Variants in THAP6 observed in about 807,000 individuals in gnomAD.
THAP6 encodes the protein THAP domain containing 6.
A neutral mutation model predicts 20.0 loss-of-function variants in THAP6; 13 were observed. The observed-to-expected ratio is 0.65, with a 90% CI of 0.42 to 1.03. The LOEUF is 1.03. THAP6 is among the 50% of genes least tolerant of loss of function. The pLI is 0.00. For missense variants in THAP6, 262 were observed against 261.6 expected, an observed-to-expected ratio of 1.00 and a Z score of -0.01; for synonymous variants, 93 against 92.2, an observed-to-expected ratio of 1.01 and a Z score of -0.05.
chr4:75,530,232 A>G (rs1394184562), downstream of THAP6, among the ~76,000 whole-genome samples: 2 of 152,170 alleles, frequency 1.3e-5, no homozygotes, highest in Admixed American at 1.3e-4. Flanking sequence ...GCCCTCACTC[A>G]AAACTGTCAG....
Position 75,521,829 on chromosome 4 carries a change from T to G in THAP6, c.382T>G (p.Cys128Gly), listed in dbSNP as rs755148803. ...TCACCATCTTGTTGGTGCTTCCTCATGTATTGAAGAATTCCAATCCCAGTT... is the reference window on the plus strand; with the variant it reads ...TCACCATCTTGTTGGTGCTTCCTCAGGTATTGAAGAATTCCAATCCCAGTT... The part of the protein sequence containing the change: ...YNHHLVGASS[C>G]IEEFQSQFIF... The change falls in exon 4 of 5, where the codon TGT becomes GGT. Residue 128 changes from cysteine to glycine, a missense_variant. Transcript: ENST00000311638. 5 of 1,613,428 alleles carry G rather than the reference T, an allele frequency of 3.1e-6. No homozygotes were observed. Among genetic ancestry groups the G allele is most frequent in the Non-Finnish European group, 4.2e-6 (5 of 1,179,642 alleles).
chr4:75,515,311 G>A lies in THAP6; in HGVS notation c.-20-122G>A, dbSNP rs1725489740. 7.2e-6 allele frequency: 6 copies of A among 832,866 alleles called. No homozygotes were observed. The South Asian group carries it at 9.4e-5, about 13-fold the overall frequency. 51.6% of individuals were successfully genotyped at this position (832,866 alleles called of 1,614,324 possible). A position where few individuals can be genotyped will look rare whatever the true frequency, so the allele number is the denominator to read the frequency against. ...GATGTAAGCAAAGCTGCAGGTGTTA[G>A]AAGAAGATATTTGTCTTTAGCTTTC... On this transcript the variant is annotated intron_variant, in intron 1 of 4. Coordinates refer to ENST00000311638, the MANE Select transcript of THAP6 (RefSeq NM_144721.6).
chr4:75,529,057 A>G lies in THAP6; in HGVS notation c.*1843A>G. 1.1e-6 allele frequency: 1 copy of G among 934,880 alleles called. No individual in the cohort carries two copies. Among genetic ancestry groups the G allele is most frequent in the Non-Finnish European group, 1.3e-6 (1 of 783,990 alleles). 57.9% of individuals were successfully genotyped at this position (934,880 alleles called of 1,614,324 possible). On this transcript the variant is annotated 3_prime_UTR_variant, in exon 5 of 5. Transcript: ENST00000311638. ...AACAGAGCAAGACTCCATCTCAAAA[A>G]AACAAAACTACTTTCATTAATTACC...
intron 4 of THAP6, among the ~76,000 whole-genome samples, chr4:75,523,211 C>T (rs1460694983): frequency 6.6e-6 from 1 of 152,134 alleles, no homozygotes; most frequent in East Asian, 1.9e-4. Flanking sequence ...ATAATGCGTA[C>T]CTTTTCATAT....
exon 3 of THAP6, chr4:75,542,450 T>A (rs1490531250): frequency 1.4e-6 from 1 of 702,428 alleles, no homozygotes. Flanking sequence ...AGGCAAAAAA[T>A]TATTTCTCAG....
At chr4:75,517,852 C>T (rs1376194136) in intron 3 of THAP6, 1 of 152,200 alleles carries the variant, frequency 6.6e-6, no homozygotes, top group African/African-American at 2.4e-5. Flanking sequence ...CAGTATCTCT[C>T]TTGACTTTGT....
upstream of THAP6, chr4:75,514,388 C>G (rs972469620): frequency 4.5e-6 from 6 of 1,340,360 alleles, no homozygotes; most frequent in Non-Finnish European, 6.1e-6. Flanking sequence ...GCCCCAGCGG[C>G]CACTAGCGAC....
At chr4:75,535,892 A>C (rs1331742182) in intron 2 of THAP6, among the ~76,000 whole-genome samples, 1 of 152,168 alleles carries the variant, frequency 6.6e-6, no homozygotes, top group Non-Finnish European at 1.5e-5. Flanking sequence ...GGGTACCTAC[A>C]TCATAACTGA....
Position 75,515,371 on chromosome 4 carries a change from A to T in THAP6, c.-20-62A>T, listed in dbSNP as rs1429532413. On this transcript the variant is annotated intron_variant, in intron 1 of 4. Coordinates refer to ENST00000311638, the MANE Select transcript of THAP6 (RefSeq NM_144721.6). The stretch of plus-strand genomic sequence containing the variant: ...TTTGTGTTTCCTAAAACACCGGGAA[A>T]GGGAAAATATTCCCCTTCAGCTTTC... The T allele has an allele frequency of 2.7e-6, 4 of 1,470,902 alleles. No homozygotes were observed. In the African/African-American group the frequency reaches 5.6e-5, roughly 20 times the overall value. 91.1% of individuals were successfully genotyped at this position (1,470,902 alleles called of 1,614,324 possible). A position where few individuals can be genotyped will look rare whatever the true frequency, so the allele number is the denominator to read the frequency against.
chr4:75,520,366 G>A (rs947836683), intron 3 of THAP6, among the ~76,000 whole-genome samples: 3 of 152,184 alleles, frequency 2.0e-5, no homozygotes, highest in Non-Finnish European at 4.4e-5. Context: ...TACTGGTGAT[G>A]TGGATGTTCA....
At chr4:75,516,706 C>A in intron 2 of THAP6, 66 bp from the exon 3 acceptor site, 1 of 1,360,774 alleles carries the variant, frequency 7.3e-7, no homozygotes, top group Non-Finnish European at 1.0e-6. Context: ...TTGTATAAGG[C>A]AGCTTTAATT....
Position 75,515,518 on chromosome 4 carries a change from A to G in THAP6, c.66A>G (p.Gly22=), listed in dbSNP as rs143415230. Residue 22 remains glycine, a synonymous_variant, in exon 2 of 5, where the codon GGA becomes GGG. Coordinates refer to ENST00000311638, the MANE Select transcript of THAP6 (RefSeq NM_144721.6). ...GCTTGCCAAATTCGAAGTTAAAAGGACTGACATTTCACGTGTAAGATTTTG... is the reference window on the plus strand; with the variant it reads ...GCTTGCCAAATTCGAAGTTAAAAGGGCTGACATTTCACGTGTAAGATTTTG... ...SRCLPNSKLK[G]LTFHVFPTDE... is the part of the protein sequence containing the mutation. 2,131 of 1,613,808 alleles carry G rather than the reference A, an allele frequency of 1.3e-3. 4 individuals carry two copies. The highest frequency in any genetic ancestry group is 1.7e-3 in the Non-Finnish European group (2,028 of 1,179,810).
intron 2 of THAP6, among the ~76,000 whole-genome samples, chr4:75,538,843 G>T (rs747552200): frequency 5.3e-5 from 8 of 152,156 alleles, no homozygotes; most frequent in Non-Finnish European, 7.3e-5. Flanking sequence ...AGATTGAAAC[G>T]AATGAAGAAA....
chr4:75,522,100 C>A, intron 4 of THAP6: 2 of 449,954 alleles, frequency 4.4e-6, no homozygotes, highest in Non-Finnish European at 7.8e-6. Flanking sequence ...ATATTTCTAC[C>A]AAGGAAATAA....
chr4:75,528,312 G>A lies in THAP6; in HGVS notation c.*1098G>A. On this transcript the variant is annotated 3_prime_UTR_variant, in exon 5 of 5. Coordinates refer to ENST00000311638, the MANE Select transcript of THAP6 (RefSeq NM_144721.6). The stretch of plus-strand genomic sequence containing the variant: ...AATTGATCCAAGTCTCATAAATTTA[G>A]CTTTTGTCATAATTCCTTACCGAAA... The A allele has an allele frequency of 1.7e-5, 17 of 985,318 alleles. No individual in the cohort carries two copies. Among genetic ancestry groups the A allele is most frequent in the Non-Finnish European group, 1.9e-5 (16 of 829,896 alleles). The allele number at this position is 985,318 out of a possible 1,614,324, so 61.0% of individuals were successfully genotyped here.
intron 4 of THAP6, among the ~76,000 whole-genome samples, chr4:75,526,315 G>A (rs1726363318): frequency 6.6e-6 from 1 of 152,074 alleles, no homozygotes; most frequent in South Asian, 2.1e-4. Context: ...GGAAATAAAA[G>A]TCTTCTTTAC....
At chr4:75,516,468 T>G (rs1270172648) in intron 2 of THAP6, among the ~76,000 whole-genome samples, 1 of 152,232 alleles carries the variant, frequency 6.6e-6, no homozygotes, top group African/African-American at 2.4e-5. Flanking sequence ...CATCTATAGA[T>G]GAATAAATAC....
chr4:75,515,398 G>A, intron 1 of THAP6, 35 bp from the exon 2 acceptor site: 2 of 1,572,376 alleles, frequency 1.3e-6, no homozygotes, highest in South Asian at 1.1e-5. Flanking sequence ...TCAGCTTTCC[G>A]GTTACTAACT....
intron 2 of THAP6, among the ~76,000 whole-genome samples, chr4:75,535,199 A>T (rs1726817228): frequency 6.6e-6 from 1 of 152,216 alleles, no homozygotes; most frequent in Admixed American, 6.5e-5. Flanking sequence ...CCCATGGTTC[A>T]TTCATCTCCA....
Sources: allele counts gnomAD v4.1 joint callset (sites outside exome capture counted in the v4.1 genomes callset), GRCh38; gene constraint gnomAD v4.1.1; transcripts MANE v1.5; gene names NCBI Gene and HGNC (gene_info 2026-07-23, HGNC 2026-07-21).